PPIC: variants seen among roughly 807,000 people sequenced by gnomAD.
PPIC encodes the protein peptidylprolyl isomerase C, also known as peptidyl-prolyl cis-trans isomerase C.
A neutral mutation model predicts 19.5 loss-of-function variants in PPIC; 19 were observed. The ratio of observed to expected loss-of-function variants is 0.98; its 90% confidence interval spans 0.68 to 1.43. The LOEUF (loss-of-function observed/expected upper bound fraction) is 1.43, where lower values mean the gene tolerates loss of function less well. PPIC is among the 40% of genes most tolerant of loss of function. The pLI, the probability that PPIC is intolerant of heterozygous loss-of-function variation, is 0.00. For missense variants in PPIC, 268 were observed against 268.6 expected (o/e 1.00, Z 0.02); for synonymous variants, 107 against 101.2 (o/e 1.06, Z -0.34).
intron 1 of PPIC, among the ~76,000 whole-genome samples, chr5:123,033,500 G>GCCGC (rs1762968242): frequency 6.6e-6 from 1 of 152,122 alleles, no homozygotes; most frequent in Non-Finnish European, 1.5e-5. Context: ...ATCACCTTCC[G>GCCGC]CCGCCGTGAC....
At position 123,024,002 on chromosome 5, in the gene PPIC, G is replaced by A. The variant is rs773113729; in HGVS notation, c.512C>T (p.Thr171Ile). The change falls in exon 5 of 5, where the codon ACA (threonine) becomes ATA (isoleucine). Residue 171 changes from threonine to isoleucine, a missense_variant and splice_region_variant. Coordinates refer to ENST00000306442, the MANE Select transcript of PPIC (RefSeq NM_000943.5). ...TTGGAGCTCTATGGAGTGCACCACT[G>A]TCTGGTGAGAGAAAAGTAGACACAT... Reference protein sequence around the residue: ...VVFGKVIDGMTVVHSIELQAT... With the variant: ...VVFGKVIDGMIVVHSIELQAT... 7 of 1,611,894 alleles carry A rather than the reference G, an allele frequency of 4.3e-6. No individual in the cohort carries two copies. The highest frequency in any genetic ancestry group is 5.9e-6 in the Non-Finnish European group (7 of 1,178,842).
chr5:123,030,728 G>A (rs901100068), intron 1 of PPIC, among the ~76,000 whole-genome samples: 2 of 152,148 alleles, frequency 1.3e-5, no homozygotes, highest in Non-Finnish European at 2.9e-5. Context: ...GGATAGGAAG[G>A]TGCTTCAACA....
intron 2 of PPIC, 173 bp downstream of exon 2, chr5:123,029,132 G>C: frequency 8.0e-7 from 1 of 1,247,926 alleles, no homozygotes; most frequent in Non-Finnish European, 1.1e-6. Flanking sequence ...CCAATTTCCA[G>C]AAGCCTAAGG....
chr5:123,031,739 G>T (rs1762944943), intron 1 of PPIC, among the ~76,000 whole-genome samples: 1 of 152,184 alleles, frequency 6.6e-6, no homozygotes, highest in African/African-American at 2.4e-5. Context: ...AGGTCATAAT[G>T]GCCTGCACTG....
chr5:123,027,412 G>T (rs1762876036), intron 3 of PPIC, among the ~76,000 whole-genome samples: 1 of 152,214 alleles, frequency 6.6e-6, no homozygotes, highest in South Asian at 2.1e-4. Context: ...TAGCAGAAAA[G>T]AGGGCAGAGT....
chr5:123,029,460 A>C, intron 1 of PPIC, 42 bp from the exon 2 acceptor site: 7 of 1,512,354 alleles, frequency 4.6e-6, no homozygotes, highest in Non-Finnish European at 6.2e-6. Flanking sequence ...TATAAGGTGG[A>C]AAAGCACAAA....
At chr5:123,028,548 G>A (rs1762896270) in intron 3 of PPIC, 1 of 428,406 alleles carries the variant, frequency 2.3e-6, no homozygotes, top group Non-Finnish European at 4.1e-6. Context: ...CTCAATTACG[G>A]AAAGACAATA....
At chr5:123,032,770 A>C (rs1387394640) in intron 1 of PPIC, among the ~76,000 whole-genome samples, 1 of 152,196 alleles carries the variant, frequency 6.6e-6, no homozygotes, top group African/African-American at 2.4e-5. Flanking sequence ...AGTACAGATA[A>C]GGTGTCATGG....
At chr5:123,035,159 T>A (rs1762989524) in intron 1 of PPIC, among the ~76,000 whole-genome samples, 1 of 152,232 alleles carries the variant, frequency 6.6e-6, no homozygotes, top group African/African-American at 2.4e-5. Flanking sequence ...AGGGCTTTCC[T>A]GTTTGAGGAC....
chr5:123,025,863 G>C lies in PPIC; in HGVS notation c.431C>G (p.Ser144Cys). 1 of 1,614,110 alleles carries C rather than the reference G, an allele frequency of 6.2e-7. No homozygotes were observed. The highest frequency in any genetic ancestry group is 8.5e-7 in the Non-Finnish European group (1 of 1,180,030). The change falls in exon 4 of 5, where the codon TCT (serine) becomes TGT (cysteine). Residue 144 changes from serine to cysteine, a missense_variant. Transcript: ENST00000306442. ...MANAGPDTNG[S>C]QFFITLTKPT... ...CTTGGTCAAGGTGATAAAGAACTGA[G>C]AGCCATTGGTGTCAGGCCCAGCGTT...
At chr5:123,034,342 A>G (rs1762977238) in intron 1 of PPIC, among the ~76,000 whole-genome samples, 1 of 152,220 alleles carries the variant, frequency 6.6e-6, no homozygotes, top group African/African-American at 2.4e-5. Context: ...AGACATGTTA[A>G]GTAACAATTC....
Position 123,025,812 on chromosome 5 carries a change from A to G in PPIC, c.482T>C (p.Val161Ala), listed in dbSNP as rs770988129. ...CCCATCAATGACTTTTCCAAACACC[A>G]CATGTTTGCCGTCCAACCAGGTGGG... ...TKPTWLDGKH[V>A]VFGKVIDGMT... is the part of the protein sequence containing the mutation. The change falls in exon 4 of 5, where the codon GTG becomes GCG. Residue 161 changes from valine (V) to alanine (A), a missense_variant. Physicochemically the swap from Val to Ala is moderately conservative, Grantham distance 64. Transcript: ENST00000306442. 8.1e-6 allele frequency: 13 copies of G among 1,613,718 alleles called. No individual in the cohort carries two copies. In the Admixed American group the frequency reaches 1.7e-4, roughly 21 times the overall value.
At position 123,031,795 on chromosome 5, in the gene PPIC, T is replaced by G. The variant is rs1230587096; in HGVS notation, c.118-2377A>C. Among the ~76,000 whole-genome samples, 8 of 152,202 alleles carry G rather than the reference T, an allele frequency of 5.3e-5. No individual in the cohort carries two copies. The South Asian group carries it at 1.2e-3, about 24-fold the overall frequency. ...GTACGAGGGAGACAGAAAAGGCATT[T>G]ATTTATTTACTTATTTACTGAGACA... On this transcript the variant is annotated intron_variant, in intron 1 of 4. Transcript: ENST00000306442.
chr5:123,026,454 G>A (rs1191670440), intron 3 of PPIC, among the ~76,000 whole-genome samples: 5 of 152,126 alleles, frequency 3.3e-5, no homozygotes, highest in South Asian at 2.1e-4. Flanking sequence ...TACCCACACC[G>A]AATTCTCATA....
At chr5:123,029,206 C>G in intron 2 of PPIC, 99 bp downstream of exon 2, 1 of 1,592,512 alleles carries the variant, frequency 6.3e-7, no homozygotes, top group Non-Finnish European at 8.6e-7. Context: ...TAAGGTTCAT[C>G]TGACATACTA....
chr5:123,032,781 TAAGG>T (rs1252009461), intron 1 of PPIC, among the ~76,000 whole-genome samples: 2 of 152,132 alleles, frequency 1.3e-5, no homozygotes, highest in African/African-American at 4.8e-5. Context: ...GGTGTCATGG[TAAGG>T]GGTGGTGATT....
intron 4 of PPIC, among the ~76,000 whole-genome samples, chr5:123,024,526 C>A (rs1414534078): frequency 1.3e-5 from 2 of 152,160 alleles, no homozygotes; most frequent in African/African-American, 4.8e-5. Flanking sequence ...ACTAATGTAA[C>A]CCCAGCCCCC....
intron 4 of PPIC, 115 bp from the exon 5 acceptor site, chr5:123,024,118 G>T: frequency 7.6e-7 from 1 of 1,323,186 alleles, no homozygotes; most frequent in Non-Finnish European, 1.0e-6. Context: ...AGGTTGGTTG[G>T]TTGGTTGGTT....
At chr5:123,027,135 A>C (rs1008839121) in intron 3 of PPIC, among the ~76,000 whole-genome samples, 3 of 152,100 alleles carry the variant, frequency 2.0e-5, no homozygotes, top group Non-Finnish European at 4.4e-5. Flanking sequence ...CAGAGGTTGT[A>C]GTGAGCCAAG....
Sources: gnomAD v4.1 joint callset for allele counts (sites outside exome capture counted in the v4.1 genomes callset) on GRCh38, gnomAD v4.1.1 for gene constraint, MANE v1.5 for transcripts, NCBI Gene and HGNC (gene_info 2026-07-23, HGNC 2026-07-21) for gene names.